Variants in NAV2 observed in about 807,000 individuals in gnomAD.
NAV2 encodes neuron navigator 2.
NAV2 carries 54 observed loss-of-function variants against 223.2 expected under a neutral mutation model. That is an observed-to-expected ratio of 0.24 (90% CI 0.19 to 0.30). The LOEUF (loss-of-function observed/expected upper bound fraction) is 0.30. Among genes scored for constraint, NAV2 ranks in the 10% least tolerant of loss-of-function variants. The probability of loss-of-function intolerance (pLI) is 1.00; values close to 1 mark genes in which losing one functional copy is unlikely to be tolerated. For synonymous variants in NAV2, 1,279 were observed against 1,239.3 expected, an observed-to-expected ratio of 1.03 and a Z score of -0.67; for missense variants, 2,806 against 3,147.5, an observed-to-expected ratio of 0.89 and a Z score of 2.60.
chr11:19,349,610 C>CT (rs1853185552), upstream of NAV2, among the ~76,000 whole-genome samples: 1 of 152,162 alleles, frequency 6.6e-6, no homozygotes, highest in Non-Finnish European at 1.5e-5. Context: ...AGACTAGTGC[C>CT]TTTTAGTAAA....
At chr11:19,687,194 C>T (rs4757837) in intron 1 of NAV2, among the ~76,000 whole-genome samples, 99,309 of 152,028 alleles carry the variant, frequency 0.65, 37,241 homozygotes, top group Admixed American at 0.83. Context: ...AGGGAGACAG[C>T]GCAGGCTGTC....
intron 19 of NAV2, among the ~76,000 whole-genome samples, chr11:20,061,360 G>A (rs1295280106): frequency 6.6e-6 from 1 of 152,072 alleles, no homozygotes; most frequent in Non-Finnish European, 1.5e-5. Context: ...ACCTGAGACT[G>A]GGAGTTCGAG....
At chr11:19,377,622 A>G (rs552801801) in intron 1 of NAV2, among the ~76,000 whole-genome samples, 1 of 152,248 alleles carries the variant, frequency 6.6e-6, no homozygotes, top group African/African-American at 2.4e-5. Context: ...ATGAGGGGGA[A>G]TTGTGGACTT....
chr11:19,346,251 T>A (rs902884156), upstream of NAV2, among the ~76,000 whole-genome samples: 3 of 152,236 alleles, frequency 2.0e-5, no homozygotes, highest in Admixed American at 6.5e-5. Flanking sequence ...TCTGTCTGCA[T>A]GTCTGCGAGT....
intron 11 of NAV2, among the ~76,000 whole-genome samples, chr11:19,988,824 C>T (rs1237761767): frequency 6.6e-6 from 1 of 152,148 alleles, no homozygotes; most frequent in African/African-American, 2.4e-5. Flanking sequence ...ACTCCAAGAG[C>T]CCAGGACACT....
rs149137419 is a variant in NAV2, at chr11:20,101,098, A to T, written c.6343A>T (p.Ile2115Leu). Residue 2115 changes from isoleucine to leucine, a missense_variant, in exon 32 of 38, where the codon ATA becomes TTA. Physicochemically the swap from Ile to Leu is conservative, Grantham distance 5. Around this residue, in one of 4 missense-constraint regions of NAV2, gnomAD observed 824 missense variants for 1,069.4 expected, o/e 0.77. Transcript: ENST00000349880. Reference sequence around the variant, plus strand: ...CCTGGCCAACCGGCTGTCTGAGTATATAGTGCTTCGAGAGGGACGGGAGTT... The same window carrying T: ...CCTGGCCAACCGGCTGTCTGAGTATTTAGTGCTTCGAGAGGGACGGGAGTT... Reference protein sequence around the residue: ...TYLANRLSEYIVLREGRELTD... With the variant: ...TYLANRLSEYLVLREGRELTD... 3 of 1,614,010 alleles carry T rather than the reference A, an allele frequency of 1.9e-6. No homozygotes were observed. The highest frequency in any genetic ancestry group is 1.7e-6 in the Non-Finnish European group (2 of 1,180,032).
chr11:19,532,425 G>A (rs1394782022), intron 1 of NAV2, among the ~76,000 whole-genome samples: 1 of 152,140 alleles, frequency 6.6e-6, no homozygotes, highest in Non-Finnish European at 1.5e-5. Flanking sequence ...CTTTCTCTGG[G>A]CCTCAACATC....
chr11:19,903,484 C>A (rs2042614244), intron 6 of NAV2, among the ~76,000 whole-genome samples: 1 of 152,074 alleles, frequency 6.6e-6, no homozygotes, highest in South Asian at 2.1e-4. Flanking sequence ...AATGGCCTGG[C>A]CTGCTTCCTT....
In NAV2 at chr11:20,106,175, A is replaced by ATATATGTGTGTGTG. The variant is rs11267537; in HGVS notation, c.6841+449_6841+450insATATGTGTGTGTGT. Among the ~76,000 whole-genome samples the ATATATGTGTGTGTG allele has an allele frequency of 7.6e-3, 273 of 35,808 alleles. 41 individuals are homozygous for ATATATGTGTGTGTG. Among genetic ancestry groups the ATATATGTGTGTGTG allele is most frequent in the Admixed American group, 0.036 (97 of 2,704 alleles). The allele number at this position is 35,808 out of a possible 152,430, so 23.5% of individuals were successfully genotyped here. A position where few individuals can be genotyped will look rare whatever the true frequency, so the allele number is the denominator to read the frequency against. On this transcript the variant is annotated intron_variant, in intron 35 of 37. Transcript: ENST00000349880. ...TGTGTGTATATATATATATATATAT[A>ATATATGTGTGTGTG]TGTGTGTGTATATATATATATATAT...
chr11:20,067,939 C>T (rs2059154754), intron 20 of NAV2, among the ~76,000 whole-genome samples: 2 of 152,142 alleles, frequency 1.3e-5, no homozygotes, highest in Admixed American at 6.5e-5. Context: ...CAGGGTGGCT[C>T]CTCACAACCA....
At chr11:19,600,712 T>G (rs1348756483) in intron 1 of NAV2, among the ~76,000 whole-genome samples, 1 of 152,232 alleles carries the variant, frequency 6.6e-6, no homozygotes, top group Admixed American at 6.5e-5. Context: ...TTTGTAGTAT[T>G]GTTTTTGAAG....
intron 1 of NAV2, among the ~76,000 whole-genome samples, chr11:19,463,812 G>A (rs1727068943): frequency 6.6e-6 from 1 of 152,186 alleles, no homozygotes; most frequent in Non-Finnish European, 1.5e-5. Context: ...GAAGGACAGA[G>A]TGTGGGGGCA....
At chr11:19,366,102 A>C (rs1208697472) in intron 1 of NAV2, among the ~76,000 whole-genome samples, 2 of 152,184 alleles carry the variant, frequency 1.3e-5, no homozygotes, top group Non-Finnish European at 1.5e-5. Flanking sequence ...GCAGCCACTA[A>C]AAAGAGCCCC....
intron 19 of NAV2, chr11:20,056,424 C>T (rs2058369619): frequency 1.3e-6 from 1 of 794,228 alleles, no homozygotes; most frequent in Non-Finnish European, 2.1e-6. Flanking sequence ...CTTTCTCAAG[C>T]ACTGGGTTTT....
At chr11:19,615,463 T>A (rs1392976643) in intron 1 of NAV2, among the ~76,000 whole-genome samples, 1 of 152,076 alleles carries the variant, frequency 6.6e-6, no homozygotes, top group Non-Finnish European at 1.5e-5. Flanking sequence ...ACCACTGTTT[T>A]GCGTTTATTA....
Position 19,531,861 on chromosome 11 carries a change from C to G in NAV2, c.75+180834C>G, listed in dbSNP as rs557705309. 2.8e-4 allele frequency among the ~76,000 whole-genome samples: 42 copies of G among 152,256 alleles called. 1 individual carries two copies. In the South Asian group the frequency reaches 8.7e-3, roughly 32 times the overall value. ...GCACTGTCCATTAAGCTAGGATACA[C>G]TGCAACTTCAGAGATATTAAAATGT... On this transcript the variant is annotated intron_variant, in intron 1 of 37. Transcript: ENST00000360655.
At chr11:20,009,207 C>T (rs2053355581) in intron 11 of NAV2, among the ~76,000 whole-genome samples, 1 of 152,188 alleles carries the variant, frequency 6.6e-6, no homozygotes, top group Admixed American at 6.5e-5. Context: ...AACTCTGTGA[C>T]CTCAAGCAAG....
intron 6 of NAV2, among the ~76,000 whole-genome samples, chr11:19,932,418 C>A (rs1351965376): frequency 6.6e-6 from 1 of 152,094 alleles, no homozygotes; most frequent in African/African-American, 2.4e-5. Context: ...TCACTGCAAC[C>A]TCTACTTCTC....
chr11:19,857,978 T>C (rs944568017), intron 3 of NAV2, among the ~76,000 whole-genome samples: 6 of 152,194 alleles, frequency 3.9e-5, no homozygotes, highest in Non-Finnish European at 8.8e-5. Flanking sequence ...TGCCTCAGCC[T>C]CCCAAGTCGC....
Sources: allele counts gnomAD v4.1 joint callset (sites outside exome capture counted in the v4.1 genomes callset), GRCh38; gene constraint gnomAD v4.1.1; regional missense constraint gnomAD v4.1.1; transcripts MANE v1.5; gene names NCBI Gene and HGNC (gene_info 2026-07-23, HGNC 2026-07-21).